Variants in PIEZO2 observed in about 807,000 individuals in gnomAD.
PIEZO2 encodes the protein piezo type mechanosensitive ion channel component 2, also known as piezo-type mechanosensitive ion channel component 2.
PIEZO2 carries 172 observed loss-of-function variants against 337.3 expected under a neutral mutation model. That is an observed-to-expected ratio of 0.51 (90% CI 0.45 to 0.58). PIEZO2 has a LOEUF of 0.58. Ranked by LOEUF, PIEZO2 falls within the 20% of genes least tolerant of loss-of-function variation. The pLI is 0.00. For synonymous variants in PIEZO2, 1,251 were observed against 1,228.5 expected (o/e 1.02, Z -0.38); for missense variants, 3,028 against 3,391.3 (o/e 0.89, Z 2.66).
intron 3 of PIEZO2, among the ~76,000 whole-genome samples, chr18:10,948,180 T>TA (rs2033120627): frequency 6.6e-6 from 1 of 152,042 alleles, no homozygotes; most frequent in Non-Finnish European, 1.5e-5. Flanking sequence ...CTGCATGTCT[T>TA]AAAAATAATT....
In PIEZO2 at chr18:11,078,440, G is replaced by A. The variant is rs752305225; in HGVS notation, c.65-12218C>T. On this transcript the variant is annotated intron_variant, in intron 1 of 55. Coordinates refer to ENST00000674853, the MANE Select transcript of PIEZO2 (RefSeq NM_001378183.1). This position sits in a 1 kb window ranked among gnomAD's most constrained non-coding sequence, Gnocchi z 5.3. ...TTCTTCTATCTCCAGCACATGATGCGACCCAACATTACATCTTAACAACTA... is the reference window on the plus strand; with the variant it reads ...TTCTTCTATCTCCAGCACATGATGCAACCCAACATTACATCTTAACAACTA... Among the ~76,000 whole-genome samples, 2 of 152,080 alleles carry A rather than the reference G, an allele frequency of 1.3e-5. No individual in the cohort carries two copies. The highest frequency in any genetic ancestry group is 1.9e-4 in the East Asian group (1 of 5,190).
At chr18:11,136,104 C>A (rs2040477418) in intron 1 of PIEZO2, among the ~76,000 whole-genome samples, 1 of 152,190 alleles carries the variant, frequency 6.6e-6, no homozygotes, top group African/African-American at 2.4e-5. Context: ...AAATAACTTA[C>A]ATGGTGGGAA....
In PIEZO2 at chr18:10,727,873, G is replaced by C. The variant is rs549185734; in HGVS notation, c.5029+3534C>G. ...CCTCCTGGACCAGGTGAGGTGCAGA[G>C]CGCCTTTTGTGTAAGTTACTGGTCA... On this transcript the variant is annotated intron_variant, in intron 36 of 55. Transcript: ENST00000674853. This position sits in a 1 kb window ranked among gnomAD's most constrained non-coding sequence, Gnocchi z 6.3. The C allele has an allele frequency of 6.6e-6, 1 of 152,096 alleles. No homozygotes were observed. Among genetic ancestry groups the C allele is most frequent in the East Asian group, 1.9e-4 (1 of 5,176 alleles). 9.4% of individuals were successfully genotyped at this position (152,096 alleles called of 1,614,324 possible). A position where few individuals can be genotyped will look rare whatever the true frequency, so the allele number is the denominator to read the frequency against.
At chr18:10,974,642 G>A (rs908213000) in intron 3 of PIEZO2, among the ~76,000 whole-genome samples, 2 of 152,194 alleles carry the variant, frequency 1.3e-5, no homozygotes, top group South Asian at 2.1e-4. Context: ...AGACAGATCC[G>A]TGCTCAGACT....
intron 15 of PIEZO2, 58 bp from the exon 16 acceptor site, chr18:10,787,242 C>A: frequency 7.0e-7 from 1 of 1,435,300 alleles, no homozygotes; most frequent in East Asian, 2.5e-5. Flanking sequence ...GGAAAACTCA[C>A]AAAAATATTT....
At chr18:10,678,593 C>T (rs1040187542) in intron 52 of PIEZO2, among the ~76,000 whole-genome samples, 3 of 152,162 alleles carry the variant, frequency 2.0e-5, no homozygotes, top group Non-Finnish European at 4.4e-5. Context: ...GCTTAGGGTT[C>T]TAAGTCTCAA....
Position 11,111,207 on chromosome 18 carries a change from T to C in PIEZO2, c.64+37318A>G, listed in dbSNP as rs1294436593. Among the ~76,000 whole-genome samples, 1 of 152,122 alleles carries C rather than the reference T, an allele frequency of 6.6e-6. No homozygotes were observed. The highest frequency in any genetic ancestry group is 1.5e-5 in the Non-Finnish European group (1 of 68,012). On this transcript the variant is annotated intron_variant, in intron 1 of 55. Transcript: ENST00000674853. This position sits in a 1 kb window ranked among gnomAD's most constrained non-coding sequence, Gnocchi z 6.2. ...GAGGGCTCTGACGCCAGCCCAGGAC[T>C]CTGGCCGCACCTGGGTCCCCCAGAT...
chr18:10,714,832 G>C lies in PIEZO2; in HGVS notation c.5355C>G (p.Pro1785=). ...ESGLDTIDEH[P]GAASGAQTAH... ...CTGTCTGTGCACCTGAAGCAGCTCC[G>C]GGATGCTCGTCAATGGTGTCCAGTC... Residue 1785 remains proline, a synonymous_variant, in exon 39 of 56, where the codon CCC becomes CCG. Transcript: ENST00000674853. 2 of 1,537,216 alleles carry C rather than the reference G, an allele frequency of 1.3e-6. No individual in the cohort carries two copies. Among genetic ancestry groups the C allele is most frequent in the Non-Finnish European group, 1.7e-6 (2 of 1,146,890 alleles).
Position 10,731,477 on chromosome 18 carries a change from T to C in PIEZO2, c.4959A>G (p.Arg1653=). The change falls in exon 36 of 56, where the codon CGA becomes CGG. Residue 1653 remains arginine (R), a synonymous_variant. Coordinates refer to ENST00000674853, the MANE Select transcript of PIEZO2 (RefSeq NM_001378183.1). The stretch of plus-strand genomic sequence containing the variant: ...ACCTTTTTTTCTCTTTGTGTCTTTG[T>C]CGGAGTGCTGTTTTAGGATCAGTAA... ...AWITDPKTAL[R]QRHKEKKRSA... 1 of 1,535,410 alleles carries C rather than the reference T, an allele frequency of 6.5e-7. No individual in the cohort carries two copies. Among genetic ancestry groups the C allele is most frequent in the Non-Finnish European group, 8.7e-7 (1 of 1,146,056 alleles).
intron 2 of PIEZO2, among the ~76,000 whole-genome samples, chr18:11,013,273 T>A (rs1337254539): frequency 6.6e-6 from 1 of 152,070 alleles, no homozygotes; most frequent in East Asian, 1.9e-4. Context: ...GAGGTGGCCT[T>A]GTGGAGAAGA....
rs184083531 is a variant in PIEZO2, at chr18:11,029,972, A to G, written c.160+36155T>C. ...TGATTTGATCTGAACAACCTTCATC[A>G]GGTTGGAAATATTTTTTATCTCTTC... On this transcript the variant is annotated intron_variant, in intron 2 of 55. Transcript: ENST00000674853. Among the ~76,000 whole-genome samples, 5 of 152,300 alleles carry G rather than the reference A, an allele frequency of 3.3e-5. 1 individual carries two copies. In the East Asian group the frequency reaches 9.6e-4, roughly 29 times the overall value.
intron 13 of PIEZO2, among the ~76,000 whole-genome samples, chr18:10,793,811 CAG>C (rs1289776136): frequency 6.6e-6 from 1 of 152,138 alleles, no homozygotes; most frequent in Non-Finnish European, 1.5e-5. Flanking sequence ...TCCATGAACA[CAG>C]GGGTTATATT....
At chr18:11,013,358 C>T (rs1339774250) in intron 2 of PIEZO2, among the ~76,000 whole-genome samples, 2 of 152,184 alleles carry the variant, frequency 1.3e-5, no homozygotes, top group Admixed American at 1.3e-4. Flanking sequence ...CTGGAAGGGG[C>T]AGCCTGCAGA....
chr18:11,085,767 G>GAA (rs61231462), intron 1 of PIEZO2, among the ~76,000 whole-genome samples: 1 of 143,786 alleles, frequency 7.0e-6, no homozygotes, highest in African/African-American at 2.6e-5. Flanking sequence ...TGAAAATATA[G>GAA]AAAAAAAATT....
In PIEZO2 at chr18:11,086,856, C is replaced by T. The variant is rs139028499; in HGVS notation, c.65-20634G>A. 6.6e-5 allele frequency among the ~76,000 whole-genome samples: 10 copies of T among 151,642 alleles called. No individual in the cohort carries two copies. The East Asian group carries it at 1.6e-3, about 24-fold the overall frequency. The stretch of plus-strand genomic sequence containing the variant: ...TTCCTCAACCTCCAAGGTTTTTTTC[C>T]GCAGAAAACAAAATGCCTGTCATGT... On this transcript the variant is annotated intron_variant, in intron 1 of 55. Coordinates refer to ENST00000674853, the MANE Select transcript of PIEZO2 (RefSeq NM_001378183.1).
chr18:10,784,353 C>A lies in PIEZO2; in HGVS notation c.2492+431G>T, dbSNP rs1305564091. Among the ~76,000 whole-genome samples the A allele has an allele frequency of 1.3e-5, 2 of 152,088 alleles. No individual in the cohort carries two copies. The highest frequency in any genetic ancestry group is 4.8e-5 in the African/African-American group (2 of 41,402). ...TTTTTCAGCCAAAGTTCTTTATTTC[C>A]AAAGTGGAAGGGAAAACTGCCCATC... On this transcript the variant is annotated intron_variant, in intron 17 of 55. Coordinates refer to ENST00000674853, the MANE Select transcript of PIEZO2 (RefSeq NM_001378183.1). The surrounding 1 kb of genome is among the most constrained non-coding windows in gnomAD (Gnocchi z 4.5).
intron 31 of PIEZO2, 147 bp from the exon 32 acceptor site, chr18:10,742,762 T>A (rs1463259004): frequency 1.2e-6 from 1 of 803,394 alleles, no homozygotes; most frequent in East Asian, 2.7e-5. Flanking sequence ...TGGTTGCTCA[T>A]TAGCAACAAG....
chr18:10,721,828 G>A (rs2036323065), intron 36 of PIEZO2, among the ~76,000 whole-genome samples: 1 of 152,122 alleles, frequency 6.6e-6, no homozygotes, highest in African/African-American at 2.4e-5. Context: ...CCATCTAAAA[G>A]TGAACAAATT....
intron 49 of PIEZO2, among the ~76,000 whole-genome samples, chr18:10,685,588 C>G (rs1488306536): frequency 6.6e-6 from 1 of 152,186 alleles, no homozygotes; most frequent in Non-Finnish European, 1.5e-5. Flanking sequence ...AAAAATGTCA[C>G]CTGGTGGCTC....
Sources: gnomAD v4.1 joint callset for allele counts (sites outside exome capture counted in the v4.1 genomes callset) on GRCh38, gnomAD v4.1.1 for gene constraint, Gnocchi (gnomAD v3.1) non-coding constraint, MANE v1.5 for transcripts, NCBI Gene and HGNC (gene_info 2026-07-23, HGNC 2026-07-21) for gene names.